DSC1: variants seen among roughly 807,000 people sequenced by gnomAD.
DSC1 encodes desmocollin-1.
Under a neutral mutation model 98.8 loss-of-function variants are expected in DSC1, and 79 were observed. The ratio of observed to expected loss-of-function variants is 0.80; its 90% CI spans 0.67 to 0.96. DSC1 has a LOEUF of 0.96. DSC1 is among the 50% of genes least tolerant of loss of function. DSC1 has a pLI of 0.00. For missense variants in DSC1, 1,115 were observed against 1,075.9 expected (o/e 1.04, Z -0.51); for synonymous variants, 405 against 372.1 (o/e 1.09, Z -1.02).
intron 5 of DSC1, among the ~76,000 whole-genome samples, chr18:31,151,585 A>G (rs1428482594): frequency 6.6e-6 from 1 of 152,188 alleles, no homozygotes; most frequent in Admixed American, 6.5e-5. Flanking sequence ...TGTGCGTGTT[A>G]TTGTGATATA....
At chr18:31,160,795 A>G (rs1989194072) in intron 1 of DSC1, among the ~76,000 whole-genome samples, 1 of 152,202 alleles carries the variant, frequency 6.6e-6, no homozygotes, top group East Asian at 1.9e-4. Context: ...TATTGTAATT[A>G]GGCTATGCAT....
intron 2 of DSC1, 43 bp downstream of exon 2, chr18:31,159,402 T>A (rs1315681671): frequency 1.3e-6 from 2 of 1,588,574 alleles, no homozygotes; most frequent in East Asian, 4.5e-5. Context: ...TGCAGCTAAA[T>A]GTGACAAGTT....
rs73406930 is a variant in DSC1 at position 31,162,638 on chromosome 18, G to A, written c.-44C>T. ...CCAGGGACGGTGGCCAGATAACAGG[G>A]CAGCCTGGGATGCACAGAGCGGCTA... is the stretch of plus-strand genomic sequence containing the variant. On this transcript the variant is annotated 5_prime_UTR_variant, in exon 1 of 16. Coordinates refer to ENST00000257198, the MANE Select transcript of DSC1 (RefSeq NM_024421.2). The A allele has an allele frequency of 8.2e-3, 12,971 of 1,587,712 alleles. 917 individuals carry two copies. The African/African-American group carries it at 0.15, about 19-fold the overall frequency.
intron 12 of DSC1, 34 bp from the exon 13 acceptor site, chr18:31,134,164 G>T (rs1006232716): frequency 6.9e-6 from 11 of 1,590,286 alleles, no homozygotes; most frequent in Non-Finnish European, 9.4e-6. Context: ...TATATGGATT[G>T]GCTGTTTAGA....
Position 31,133,903 on chromosome 18 carries a change from C to T in DSC1, c.2104G>A (p.Val702Ile), listed in dbSNP as rs143929966. The change falls in exon 13 of 16, where the codon GTA (valine) becomes ATA (isoleucine). Residue 702 changes from valine (V) to isoleucine (I), a missense_variant. By Grantham distance (29) the Val-to-Ile change is conservative (BLOSUM62 3). Coordinates refer to ENST00000257198, the MANE Select transcript of DSC1 (RefSeq NM_024421.2). ...WAILAMVLGS[V>I]LLLCILFTCF... Reference sequence around the variant, plus strand: ...TTAATATACTTACATAATAACAATACAGAACCCAACACCATAGCAAGAATA... The same window carrying T: ...TTAATATACTTACATAATAACAATATAGAACCCAACACCATAGCAAGAATA... 178 of 1,612,030 alleles carry T rather than the reference C, an allele frequency of 1.1e-4. No individual in the cohort carries two copies. In the African/African-American group the frequency reaches 2.2e-3, roughly 20 times the overall value.
chr18:31,153,093 A>G (rs1024984910), intron 5 of DSC1, among the ~76,000 whole-genome samples: 11 of 152,010 alleles, frequency 7.2e-5, no homozygotes, highest in Non-Finnish European at 1.2e-4. Context: ...AATGTTAAAA[A>G]TAGCAAAGTA....
intron 13 of DSC1, among the ~76,000 whole-genome samples, 161 bp from the exon 14 acceptor site, chr18:31,132,850 CT>C (rs1367965973): frequency 6.6e-6 from 1 of 152,098 alleles, no homozygotes; most frequent in Non-Finnish European, 1.5e-5. Flanking sequence ...TGTATTTATA[CT>C]ATTTGTAGCT....
intron 12 of DSC1, among the ~76,000 whole-genome samples, chr18:31,134,361 G>A (rs572135642): frequency 6.6e-5 from 10 of 151,818 alleles, no homozygotes; most frequent in Non-Finnish European, 1.5e-4. Context: ...ATTAAAAAGG[G>A]ACTTATATGT....
At chr18:31,138,202 CA>C (rs1393797813) in intron 11 of DSC1, among the ~76,000 whole-genome samples, 3 of 151,712 alleles carry the variant, frequency 2.0e-5, no homozygotes, top group Non-Finnish European at 4.4e-5. Context: ...CTTTTAGCAC[CA>C]AAAAACAAAG....
At position 31,162,691 on chromosome 18, in the gene DSC1, T is replaced by C; in HGVS notation, c.-97A>G. 1 of 1,038,538 alleles carries C rather than the reference T, an allele frequency of 9.6e-7. No homozygotes were observed. Among genetic ancestry groups the C allele is most frequent in the South Asian group, 1.3e-5 (1 of 75,670 alleles). The allele number at this position is 1,038,538 out of a possible 1,614,324, so 64.3% of individuals were successfully genotyped here. A position where few individuals can be genotyped will look rare whatever the true frequency, so the allele number is the denominator to read the frequency against. ...AAGACGCTGGCACTTGCACAGGGTATTCTGCTGCCACCTTGATGCAGCTGA... is the reference window on the plus strand; with the variant it reads ...AAGACGCTGGCACTTGCACAGGGTACTCTGCTGCCACCTTGATGCAGCTGA... On this transcript the variant is annotated 5_prime_UTR_variant, in exon 1 of 16. Coordinates refer to ENST00000257198, the MANE Select transcript of DSC1 (RefSeq NM_024421.2).
intron 2 of DSC1, 93 bp downstream of exon 2, chr18:31,159,352 C>CTACT (rs1327495424): frequency 9.8e-6 from 13 of 1,323,218 alleles, no homozygotes; most frequent in Non-Finnish European, 1.4e-5. Context: ...CGCGCCCGGC[C>CTACT]TACTATGTGG....
chr18:31,159,140 G>A (rs1288237774), intron 2 of DSC1, among the ~76,000 whole-genome samples: 1 of 80,094 alleles, frequency 1.2e-5, no homozygotes, highest in African/African-American at 4.5e-5. Context: ...TGCAAGCTCC[G>A]CCTCTTGGGT....
intron 15 of DSC1, chr18:31,130,989 C>T (rs867761948): frequency 2.5e-6 from 2 of 793,934 alleles, no homozygotes; most frequent in Non-Finnish European, 3.9e-6. Context: ...GAACACAAAA[C>T]ATGTATATTT....
chr18:31,153,557 A>G (rs1265192009), intron 5 of DSC1, among the ~76,000 whole-genome samples: 1 of 152,188 alleles, frequency 6.6e-6, no homozygotes, highest in East Asian at 1.9e-4. Context: ...TTTGTATTTA[A>G]TTATGAAACA....
intron 5 of DSC1, among the ~76,000 whole-genome samples, chr18:31,153,074 A>AT (rs1256704047): frequency 1.3e-5 from 2 of 151,770 alleles, no homozygotes; most frequent in East Asian, 2.0e-4. Context: ...ATTCATTTAC[A>AT]TTTTTTTAAA....
intron 7 of DSC1, among the ~76,000 whole-genome samples, chr18:31,144,228 A>G (rs1273894964): frequency 7.3e-6 from 1 of 137,654 alleles, no homozygotes; most frequent in African/African-American, 2.8e-5. Context: ...CCTTTTACGT[A>G]TAATTTTGTT....
rs1298445058 is a variant in DSC1, at chr18:31,129,550, T to C, written c.*964A>G. On this transcript the variant is annotated 3_prime_UTR_variant, in exon 16 of 16. Coordinates refer to ENST00000257198, the MANE Select transcript of DSC1 (RefSeq NM_024421.2). ...TCAATTTCTGGCATATTCAAGGTGC[T>C]AGTCTCTGTATATCAGAGTTGCAGC... The C allele has an allele frequency of 6.6e-6, 1 of 152,184 alleles. No individual in the cohort carries two copies. The highest frequency in any genetic ancestry group is 2.4e-5 in the African/African-American group (1 of 41,438). The allele number at this position is 152,184 out of a possible 1,614,324, so 9.4% of individuals were successfully genotyped here.
chr18:31,157,744 T>C (rs1989129006), intron 2 of DSC1, among the ~76,000 whole-genome samples, 171 bp from the exon 3 acceptor site: 1 of 152,214 alleles, frequency 6.6e-6, no homozygotes, highest in African/African-American at 2.4e-5. Flanking sequence ...AATTAAATAA[T>C]TATATTAATG....
At chr18:31,133,729 T>C (rs1174085970) in intron 13 of DSC1, among the ~76,000 whole-genome samples, 162 bp downstream of exon 13, 1 of 152,072 alleles carries the variant, frequency 6.6e-6, no homozygotes, top group East Asian at 1.9e-4. Context: ...CTGCTGTTAC[T>C]GATACATTTA....
Sources: gnomAD v4.1 joint callset for allele counts (sites outside exome capture counted in the v4.1 genomes callset) on GRCh38, gnomAD v4.1.1 for gene constraint, MANE v1.5 for transcripts, NCBI Gene and HGNC (gene_info 2026-07-23, HGNC 2026-07-21) for gene names.